SH3BP1: variants seen among roughly 807,000 people sequenced by gnomAD.
SH3BP1 encodes SH3 domain binding protein 1, also known as SH3 domain-binding protein 1.
A neutral mutation model predicts 69.8 loss-of-function variants in SH3BP1; 46 were observed. That is an observed-to-expected ratio of 0.66 (90% confidence interval 0.52 to 0.84). The LOEUF is 0.84. Among genes scored for constraint, SH3BP1 ranks in the 40% least tolerant of loss-of-function variants. The probability of loss-of-function intolerance (pLI) is 0.00; values close to 1 mark genes in which losing one functional copy is unlikely to be tolerated. For synonymous variants in SH3BP1, 403 were observed against 378.0 expected (o/e 1.07, Z -0.77); for missense variants, 868 against 930.9 (o/e 0.93, Z 0.88).
At chr22:37,650,757 G>T (rs1164490313) in intron 16 of SH3BP1, 32 bp downstream of exon 16, 17 of 1,551,092 alleles carry the variant, frequency 1.1e-5, no homozygotes, top group Non-Finnish European at 1.5e-5. Flanking sequence ...TGGCTCCTGT[G>T]GTACTCCCAC....
In SH3BP1 at chr22:37,650,688, C is replaced by T; in HGVS notation, c.1561C>T (p.Pro521Ser). The change falls in exon 16 of 18, where the codon CCG (proline) becomes TCG (serine). Residue 521 changes from proline to serine, a missense_variant. Physicochemically the swap from Pro to Ser is moderately conservative, Grantham distance 74. Coordinates refer to ENST00000649765, the MANE Select transcript of SH3BP1 (RefSeq NM_018957.6). ...TCCGGCTCCGGCTCCAGCTCCAGCT[C>T]CGGCCCCAGCCTTGGCTTCAGCAGC... is the stretch of plus-strand genomic sequence containing the variant. ...PAPAPAPAPA[P>S]APALASAATK... The T allele has an allele frequency of 6.2e-7, 1 of 1,613,304 alleles. No individual in the cohort carries two copies. The highest frequency in any genetic ancestry group is 8.5e-7 in the Non-Finnish European group (1 of 1,179,680).
intron 7 of SH3BP1, 136 bp from the exon 8 acceptor site, chr22:37,644,499 CAG>C (rs1932742713): frequency 1.2e-6 from 1 of 842,010 alleles, no homozygotes; most frequent in East Asian, 2.4e-5. Flanking sequence ...CCAACCTTGG[CAG>C]AGAGAGGAGC....
intron 16 of SH3BP1, among the ~76,000 whole-genome samples, chr22:37,651,485 A>G (rs956524198): frequency 4.0e-5 from 6 of 150,930 alleles, no homozygotes; most frequent in African/African-American, 7.3e-5. Context: ...GTGCACCACC[A>G]TAGCCGGCTA....
chr22:37,642,356 G>A, intron 3 of SH3BP1, 183 bp from the exon 4 acceptor site: 1 of 601,864 alleles, frequency 1.7e-6, no homozygotes, highest in Non-Finnish European at 3.0e-6. Context: ...AGATGGAGAG[G>A]GGCTCCATCC....
At chr22:37,650,359 A>G in intron 15 of SH3BP1, 110 bp downstream of exon 15, 1 of 1,498,224 alleles carries the variant, frequency 6.7e-7, no homozygotes, top group Admixed American at 2.2e-5. Context: ...TCTGAGCCTC[A>G]GTTTCTCATT....
intron 15 of SH3BP1, 114 bp from the exon 16 acceptor site, chr22:37,650,428 G>T: frequency 6.7e-7 from 1 of 1,501,864 alleles, no homozygotes; most frequent in Non-Finnish European, 9.0e-7. Flanking sequence ...ACACGGGAGT[G>T]GGGAAGCTGA....
rs758458806 is a variant in SH3BP1 at position 37,650,657 on chromosome 22, C to CCCGGCTCCGGCT, written c.1539_1550dup (p.Pro521_Ala524dup). ...CTGCCGTGCCCACCCCAGCCACCAC[C>CCCGGCTCCGGCT]CCGGCTCCGGCTCCGGCTCCAGCTC... On this transcript the variant is annotated inframe_insertion, in exon 16 of 18. Transcript: ENST00000649765. The CCCGGCTCCGGCT allele has an allele frequency of 6.2e-7, 1 of 1,613,744 alleles. No homozygotes were observed. Among genetic ancestry groups the CCCGGCTCCGGCT allele is most frequent in the Non-Finnish European group, 8.5e-7 (1 of 1,179,810 alleles).
chr22:37,644,640 G>A lies in SH3BP1; in HGVS notation c.622G>A (p.Glu208Lys), dbSNP rs774890820. ...LKRKVEQCRDEYLADLYHFVT... is the reference protein window; with the variant it reads ...LKRKVEQCRDKYLADLYHFVT... ...CTCTCCCCTCTCTGTCCCCAAGGAC[G>A]AGTACTTGGCTGACCTGTACCACTT... is the stretch of plus-strand genomic sequence containing the variant. The change falls in exon 8 of 18, where the codon GAG becomes AAG. Residue 208 changes from glutamate (E) to lysine (K), a missense_variant. Physicochemically the swap from Glu to Lys is moderately conservative, Grantham distance 56. Transcript: ENST00000649765. The A allele has an allele frequency of 2.5e-6, 4 of 1,614,082 alleles. No individual in the cohort carries two copies. Among genetic ancestry groups the A allele is most frequent in the African/African-American group, 1.3e-5 (1 of 75,030 alleles).
intron 10 of SH3BP1, 55 bp from the exon 11 acceptor site, chr22:37,646,763 G>GTGTC: frequency 1.8e-6 from 2 of 1,127,092 alleles, no homozygotes; most frequent in Middle Eastern, 2.0e-4. Context: ...GTGCGCCAGG[G>GTGTC]TGTCCTGCCC....
rs550403939 is a variant in SH3BP1 at position 37,641,109 on chromosome 22, C to A, written c.60-17C>A. On this transcript the variant is annotated splice_polypyrimidine_tract_variant and intron_variant, in intron 1 of 17. Transcript: ENST00000649765. ...CAGCAGAAGCACTCTCCCCCCCCCC[C>A]CCACCACTCCCCGCAGCACCCCGGA... 5.6e-4 allele frequency: 783 copies of A among 1,390,222 alleles called. 22 individuals are homozygous for A. The highest frequency in any genetic ancestry group is 3.5e-3 in the African/African-American group (238 of 68,122). The allele number at this position is 1,390,222 out of a possible 1,614,324, so 86.1% of individuals were successfully genotyped here.
chr22:37,643,846 A>G (rs1932708079), intron 7 of SH3BP1, 58 bp downstream of exon 7: 33 of 1,592,112 alleles, frequency 2.1e-5, no homozygotes, highest in Non-Finnish European at 2.8e-5. Context: ...GTCCTGGCCC[A>G]TCTCACAGGC....
Position 37,639,924 on chromosome 22 carries a change from G to T in SH3BP1, c.59+78G>T, listed in dbSNP as rs1304554293. 9 of 1,102,112 alleles carry T rather than the reference G, an allele frequency of 8.2e-6. No individual in the cohort carries two copies. In the East Asian group the frequency reaches 2.5e-4, roughly 31 times the overall value. 68.3% of individuals were successfully genotyped at this position (1,102,112 alleles called of 1,614,324 possible). The stretch of plus-strand genomic sequence containing the variant: ...TCGTAAAAGGGTCGGGGGAGACGGG[G>T]GTGGGGGAGGCTGGGGACAGCTGGG... On this transcript the variant is annotated intron_variant, in intron 1 of 17. Transcript: ENST00000649765.
rs1601592238 is a variant in SH3BP1, at chr22:37,655,341, C to T, written c.1763C>T (p.Pro588Leu). The change falls in exon 18 of 18, where the codon CCA becomes CTA. Residue 588 changes from proline to leucine, a missense_variant. Transcript: ENST00000649765. ...PQVSGSRSSP[P>L]APPLPPGSGS... ...GTCTCCGGCTCCCGCTCCTCCCCTC[C>T]AGCCCCGCCCTTGCCCCCTGGCTCT... The T allele has an allele frequency of 1.3e-6, 2 of 1,485,032 alleles. No homozygotes were observed. The highest frequency in any genetic ancestry group is 5.1e-5 in the East Asian group (2 of 38,970). 92.0% of individuals were successfully genotyped at this position (1,485,032 alleles called of 1,614,324 possible).
intron 3 of SH3BP1, chr22:37,641,978 C>T (rs1405827876): frequency 5.7e-6 from 1 of 175,614 alleles, no homozygotes; most frequent in Admixed American, 5.4e-5. Flanking sequence ...AGTCACTTGT[C>T]CAAGGTCACA....
intron 14 of SH3BP1, 177 bp from the exon 15 acceptor site, chr22:37,649,975 G>A: frequency 2.7e-6 from 2 of 747,512 alleles, no homozygotes; most frequent in South Asian, 2.9e-5. Flanking sequence ...TCAGGGTGAA[G>A]GAAGGGGGAC....
intron 17 of SH3BP1, 71 bp downstream of exon 17, chr22:37,653,944 C>G: frequency 8.7e-7 from 1 of 1,154,094 alleles, no homozygotes; most frequent in Non-Finnish European, 1.3e-6. Flanking sequence ...GTCCCAGGTC[C>G]TCCTATCTTT....
chr22:37,653,545 T>C (rs1040649576), intron 16 of SH3BP1, among the ~76,000 whole-genome samples: 1 of 152,060 alleles, frequency 6.6e-6, no homozygotes, highest in African/African-American at 2.4e-5. Flanking sequence ...TCCTGGTCCC[T>C]AGAGGAACAT....
chr22:37,650,047 G>A (rs765972629), intron 14 of SH3BP1, 105 bp from the exon 15 acceptor site: 2 of 1,252,212 alleles, frequency 1.6e-6, no homozygotes. Context: ...TTGAGAACAA[G>A]GACTCAATAT....
At chr22:37,645,685 G>A (rs1017730938) in intron 10 of SH3BP1, among the ~76,000 whole-genome samples, 175 bp downstream of exon 10, 16 of 152,144 alleles carry the variant, frequency 1.1e-4, no homozygotes, top group Admixed American at 2.0e-4. Context: ...GTCAATGCTC[G>A]CGTGGGCCAA....
Sources: allele counts gnomAD v4.1 joint callset (sites outside exome capture counted in the v4.1 genomes callset), GRCh38; gene constraint gnomAD v4.1.1; transcripts MANE v1.5; gene names NCBI Gene and HGNC (gene_info 2026-07-23, HGNC 2026-07-21).